The following IL36B variants were observed in gnomAD, a reference collection of about 807,000 sequenced individuals.
IL36B encodes the protein interleukin-36 beta.
IL36B carries 23 observed loss-of-function variants against 19.3 expected under a neutral mutation model. The ratio of observed to expected loss-of-function variants is 1.19; its 90% CI spans 0.86 to 1.69. IL36B has a LOEUF of 1.69. Ranked by LOEUF, IL36B falls within the 40% of genes most tolerant of loss-of-function variation. The pLI is 0.00. For missense variants in IL36B, 217 were observed against 200.5 expected, an observed-to-expected ratio of 1.08 and a Z score of -0.50; for synonymous variants, 59 against 59.7, an observed-to-expected ratio of 0.99 and a Z score of 0.05.
rs72944554 is a variant in IL36B at position 113,031,255 on chromosome 2, T to A, written c.14-100A>T. ...ATGGCTTTTGAGTTTCTGGAGAGAGTCTCATTGCTCTGAGAAGTAGTGGCT... is the reference window on the plus strand; with the variant it reads ...ATGGCTTTTGAGTTTCTGGAGAGAGACTCATTGCTCTGAGAAGTAGTGGCT... On this transcript the variant is annotated intron_variant, in intron 2 of 5. Transcript: ENST00000259213. The A allele has an allele frequency of 2.1e-3, 1,639 of 775,756 alleles. 18 individuals carry two copies. In the African/African-American group the frequency reaches 0.024, roughly 12 times the overall value. 48.1% of individuals were successfully genotyped at this position (775,756 alleles called of 1,614,324 possible).
chr2:113,051,156 G>A (rs1234701991), intron 1 of IL36B, among the ~76,000 whole-genome samples: 3 of 152,182 alleles, frequency 2.0e-5, no homozygotes, highest in South Asian at 2.1e-4. Flanking sequence ...GGCAGGCCCC[G>A]CCGGAGGGGC....
chr2:113,048,967 A>G (rs1685395592), intron 1 of IL36B, among the ~76,000 whole-genome samples: 1 of 152,230 alleles, frequency 6.6e-6, no homozygotes, highest in Non-Finnish European at 1.5e-5. Flanking sequence ...TTAATAATTT[A>G]AAATATGCTA....
intron 5 of IL36B, among the ~76,000 whole-genome samples, chr2:113,023,108 A>G (rs767208011): frequency 2.6e-5 from 4 of 152,222 alleles, no homozygotes; most frequent in Non-Finnish European, 5.9e-5. Flanking sequence ...TGGCATCAAC[A>G]TAGTTTCTAA....
intron 1 of IL36B, among the ~76,000 whole-genome samples, chr2:113,042,414 C>G (rs1327789290): frequency 6.6e-6 from 1 of 152,202 alleles, no homozygotes; most frequent in Non-Finnish European, 1.5e-5. Flanking sequence ...AAACCATCAT[C>G]AAAATTAAAA....
chr2:113,031,651 G>A (rs1287269966), intron 2 of IL36B, 46 bp downstream of exon 2: 3 of 1,533,978 alleles, frequency 2.0e-6, no homozygotes, highest in South Asian at 2.2e-5. Flanking sequence ...TCTTTGATGA[G>A]GTCAGATGGA....
chr2:113,039,448 G>C (rs1356277068), intron 1 of IL36B, among the ~76,000 whole-genome samples: 1 of 152,094 alleles, frequency 6.6e-6, no homozygotes, highest in Non-Finnish European at 1.5e-5. Flanking sequence ...ATAAAATAGA[G>C]TTTACAATAT....
In IL36B at chr2:113,026,226, C is replaced by T. The variant is rs150424975; in HGVS notation, c.268G>A (p.Gly90Ser). 9.5e-5 allele frequency: 154 copies of T among 1,613,626 alleles called. No individual in the cohort carries two copies. The African/African-American group carries it at 1.9e-3, about 19-fold the overall frequency. Residue 90 changes from glycine (G) to serine (S), a missense_variant, in exon 5 of 6, where the codon GGC becomes AGC. By Grantham distance (56) the Gly-to-Ser change is moderately conservative. Transcript: ENST00000259213. The stretch of plus-strand genomic sequence containing the variant: ...TCCTTCCCTATGTTATCTTGGGAGC[C>T]CTGAAGCTGGAAGAGAGAAATGTTC...
chr2:113,025,352 A>C (rs1310272451), intron 5 of IL36B, among the ~76,000 whole-genome samples: 1 of 152,194 alleles, frequency 6.6e-6, no homozygotes, highest in African/African-American at 2.4e-5. Flanking sequence ...GATATAATGC[A>C]AGATTCTCCC....
intron 4 of IL36B, 22 bp downstream of exon 4, chr2:113,028,917 C>T (rs374371942): frequency 6.8e-5 from 110 of 1,610,320 alleles, no homozygotes; most frequent in East Asian, 1.6e-4. Context: ...GTACTTCTCT[C>T]GTTAGCTGCA....
chr2:113,034,396 C>T (rs1685130619), intron 1 of IL36B, among the ~76,000 whole-genome samples: 1 of 152,230 alleles, frequency 6.6e-6, no homozygotes, highest in African/African-American at 2.4e-5. Context: ...CTCCAAGAGT[C>T]CCTCACCCAT....
intron 1 of IL36B, among the ~76,000 whole-genome samples, chr2:113,047,257 C>T (rs1437787067): frequency 6.6e-6 from 1 of 152,074 alleles, no homozygotes; most frequent in Non-Finnish European, 1.5e-5. Flanking sequence ...CCAAATTCAG[C>T]CATTTTGCCA....
At chr2:113,049,823 C>T (rs570115556) in intron 1 of IL36B, among the ~76,000 whole-genome samples, 29 of 152,158 alleles carry the variant, frequency 1.9e-4, no homozygotes, top group African/African-American at 6.3e-4. Flanking sequence ...GGCATGGTGG[C>T]GTGCACCTGT....
intron 1 of IL36B, among the ~76,000 whole-genome samples, chr2:113,050,983 G>A (rs865987054): frequency 4.0e-5 from 6 of 151,286 alleles, no homozygotes; most frequent in East Asian, 2.0e-4. Flanking sequence ...ATCGGAGGCC[G>A]TGCCTCTCAG....
intron 1 of IL36B, among the ~76,000 whole-genome samples, chr2:113,036,964 A>G (rs1240540240): frequency 6.6e-6 from 1 of 152,254 alleles, no homozygotes; most frequent in African/African-American, 2.4e-5. Flanking sequence ...GGGGAATGTA[A>G]TAGAGTCACA....
At chr2:113,027,207 A>C (rs577448155) in intron 4 of IL36B, among the ~76,000 whole-genome samples, 22 of 152,294 alleles carry the variant, frequency 1.4e-4, no homozygotes, top group Non-Finnish European at 2.1e-4. Context: ...CTTCACATTG[A>C]CTGAGGAGAA....
intron 3 of IL36B, among the ~76,000 whole-genome samples, chr2:113,030,031 G>C (rs1160940229): frequency 6.6e-6 from 1 of 152,176 alleles, no homozygotes; most frequent in Non-Finnish European, 1.5e-5. Context: ...AGGGGTTCGA[G>C]ACCAGCCTGA....
intron 1 of IL36B, among the ~76,000 whole-genome samples, chr2:113,050,725 A>G (rs1453692339): frequency 6.6e-6 from 1 of 152,250 alleles, no homozygotes; most frequent in Non-Finnish European, 1.5e-5. Context: ...AGGGACAGAT[A>G]ATAATAATAA....
At chr2:113,027,454 A>G in intron 4 of IL36B, 1 of 1,018,600 alleles carries the variant, frequency 9.8e-7, no homozygotes, top group South Asian at 4.0e-5. Context: ...AAGACATGCA[A>G]ACCTTTAATT....
intron 1 of IL36B, among the ~76,000 whole-genome samples, chr2:113,051,137 A>G (rs1685437228): frequency 6.6e-6 from 1 of 152,094 alleles, no homozygotes; most frequent in Non-Finnish European, 1.5e-5. Flanking sequence ...GGCCCGGCAC[A>G]CTGAGAGCGG....
Sources: allele counts gnomAD v4.1 joint callset (sites outside exome capture counted in the v4.1 genomes callset), GRCh38; gene constraint gnomAD v4.1.1; transcripts MANE v1.5; gene names NCBI Gene and HGNC (gene_info 2026-07-23, HGNC 2026-07-21).